Variants in STK3 observed in about 807,000 individuals in gnomAD.
STK3 encodes serine/threonine-protein kinase 3.
Under a neutral mutation model 58.0 loss-of-function variants are expected in STK3, and 41 were observed. The observed-to-expected ratio is 0.71, with a 90% CI of 0.55 to 0.92. The LOEUF (loss-of-function observed/expected upper bound fraction) is 0.92, where lower values mean the gene tolerates loss of function less well. Ranked by LOEUF, STK3 falls within the 40% of genes least tolerant of loss-of-function variation. The pLI, the probability that STK3 is intolerant of heterozygous loss-of-function variation, is 0.00. For missense variants in STK3, 479 were observed against 602.7 expected (o/e 0.79, Z 2.15); for synonymous variants, 170 against 191.0 (o/e 0.89, Z 0.91).
intron 3 of STK3, among the ~76,000 whole-genome samples, chr8:98,846,820 T>C (rs943645293): frequency 1.3e-5 from 2 of 151,178 alleles, no homozygotes; most frequent in African/African-American, 4.9e-5. Flanking sequence ...AAAGATAGAG[T>C]TGATGTCCGT....
Position 98,758,034 on chromosome 8 carries a change from G to T in STK3, c.237-8644C>A, listed in dbSNP as rs74466974. On this transcript the variant is annotated intron_variant, in intron 3 of 10. Transcript: ENST00000419617. Reference sequence around the variant, plus strand: ...TATTAAAGGTTAGGGAAGAAGGGGAGAGAGTTTCACTCAAAACACTGTAAC... The same window carrying T: ...TATTAAAGGTTAGGGAAGAAGGGGATAGAGTTTCACTCAAAACACTGTAAC... 4.2e-3 allele frequency among the ~76,000 whole-genome samples: 645 copies of T among 152,314 alleles called. 1 individual carries two copies. The highest frequency in any genetic ancestry group is 8.2e-3 in the Admixed American group (125 of 15,310).
chr8:98,703,125 A>G (rs1563909610), intron 6 of STK3, among the ~76,000 whole-genome samples: 1 of 152,196 alleles, frequency 6.6e-6, no homozygotes, highest in African/African-American at 2.4e-5. Context: ...GAAAACTTAG[A>G]GGGTTCAGAT....
At chr8:98,423,491 G>A (rs369215463) in intron 3 of STK3, among the ~76,000 whole-genome samples, 6 of 152,242 alleles carry the variant, frequency 3.9e-5, no homozygotes, top group African/African-American at 1.4e-4. Flanking sequence ...TGGAGCTGTG[G>A]TTAGGAGATG....
At chr8:98,820,748 C>A (rs572627459) in intron 1 of STK3, among the ~76,000 whole-genome samples, 11 of 149,528 alleles carry the variant, frequency 7.4e-5, no homozygotes, top group Non-Finnish European at 1.2e-4. Flanking sequence ...GAGGCCAAGG[C>A]GGGTGGATCA....
intron 6 of STK3, among the ~76,000 whole-genome samples, chr8:98,618,833 G>C (rs1168047467): frequency 1.3e-5 from 2 of 149,804 alleles, no homozygotes; most frequent in South Asian, 4.3e-4. Context: ...ACAAATGGAA[G>C]AACATTCCAT....
chr8:98,643,703 T>C (rs910080183), intron 6 of STK3, among the ~76,000 whole-genome samples: 4 of 152,188 alleles, frequency 2.6e-5, no homozygotes, highest in Non-Finnish European at 5.9e-5. Context: ...CAACAAATAT[T>C]TGTTGAATGA....
At chr8:98,569,739 T>C (rs979342788) in intron 8 of STK3, among the ~76,000 whole-genome samples, 2 of 152,070 alleles carry the variant, frequency 1.3e-5, no homozygotes, top group Non-Finnish European at 2.9e-5. Context: ...GTTTTAATTG[T>C]GATTACATAG....
At chr8:98,654,396 T>C (rs1004335249) in intron 6 of STK3, among the ~76,000 whole-genome samples, 1 of 152,066 alleles carries the variant, frequency 6.6e-6, no homozygotes, top group African/African-American at 2.4e-5. Context: ...GGGCAAAAAC[T>C]GGAAGCATTC....
chr8:98,840,913 C>T (rs967510141), intron 3 of STK3, among the ~76,000 whole-genome samples: 9 of 152,074 alleles, frequency 5.9e-5, no homozygotes, highest in African/African-American at 1.9e-4. Flanking sequence ...TTAACTGGGA[C>T]AGGATCCACT....
At chr8:98,472,368 G>T (rs1240546009) in intron 10 of STK3, among the ~76,000 whole-genome samples, 1 of 152,296 alleles carries the variant, frequency 6.6e-6, no homozygotes, top group African/African-American at 2.4e-5. Flanking sequence ...CCCTATGCCA[G>T]TTGAGTGTTT....
At chr8:98,626,070 G>T (rs1170466670) in intron 6 of STK3, among the ~76,000 whole-genome samples, 1 of 152,138 alleles carries the variant, frequency 6.6e-6, no homozygotes, top group East Asian at 1.9e-4. Flanking sequence ...GATAAAAGGA[G>T]GTGGGGAAAA....
chr8:98,471,842 G>C (rs1420161040), intron 10 of STK3, among the ~76,000 whole-genome samples: 1 of 152,174 alleles, frequency 6.6e-6, no homozygotes, highest in Non-Finnish European at 1.5e-5. Context: ...CTTTAAGGGA[G>C]AAAATGTTCC....
rs1819405811 is a variant in STK3 at position 98,455,196 on chromosome 8, C to T, written c.*646G>A. 6.6e-6 allele frequency: 1 copy of T among 152,386 alleles called. No homozygotes were observed. The highest frequency in any genetic ancestry group is 1.5e-5 in the Non-Finnish European group (1 of 67,980). 9.4% of individuals were successfully genotyped at this position (152,386 alleles called of 1,614,324 possible). On this transcript the variant is annotated 3_prime_UTR_variant, in exon 11 of 11. Transcript: ENST00000419617. ...ATCAAAAATCAAAAAAACAAAATTTCAAAGGGTAAAAATGGAATTATTGCT... is the reference window on the plus strand; with the variant it reads ...ATCAAAAATCAAAAAAACAAAATTTTAAAGGGTAAAAATGGAATTATTGCT...
At chr8:98,584,862 T>A in intron 7 of STK3, among the ~76,000 whole-genome samples, 1 of 151,526 alleles carries the variant, frequency 6.6e-6, no homozygotes, top group East Asian at 1.9e-4. Flanking sequence ...ATGATGAGCA[T>A]TTTTTCATGT....
At chr8:98,650,516 G>A (rs193278243) in intron 6 of STK3, among the ~76,000 whole-genome samples, 77 of 152,356 alleles carry the variant, frequency 5.1e-4, no homozygotes, top group African/African-American at 1.6e-3. Context: ...CGCACCATGC[G>A]CGAGCCAAAG....
chr8:98,580,838 G>A (rs1263451911), intron 7 of STK3, among the ~76,000 whole-genome samples: 1 of 152,162 alleles, frequency 6.6e-6, no homozygotes, highest in Non-Finnish European at 1.5e-5. Context: ...AAAAAAAATT[G>A]TGCTGAAGAA....
intron 10 of STK3, among the ~76,000 whole-genome samples, chr8:98,485,486 T>C (rs1822180568): frequency 6.6e-6 from 1 of 152,086 alleles, no homozygotes; most frequent in Non-Finnish European, 1.5e-5. Flanking sequence ...ATCAAGAACA[T>C]ACACAGTCAC....
chr8:98,649,914 T>A lies in STK3; in HGVS notation c.685-53745A>T, dbSNP rs190927965. Among the ~76,000 whole-genome samples the A allele has an allele frequency of 2.0e-4, 31 of 152,338 alleles. No individual in the cohort carries two copies. The East Asian group carries it at 5.4e-3, about 27-fold the overall frequency. ...CCAGTGTAATGTCTTTCAATTAGAT[T>A]TTTACGAATTTCTTCCTACAGAAGT... is the stretch of plus-strand genomic sequence containing the variant. On this transcript the variant is annotated intron_variant, in intron 6 of 10. Coordinates refer to ENST00000419617, the MANE Select transcript of STK3 (RefSeq NM_006281.4).
chr8:98,684,705 T>C (rs1446401649), intron 6 of STK3, among the ~76,000 whole-genome samples: 1 of 152,166 alleles, frequency 6.6e-6, no homozygotes, highest in African/African-American at 2.4e-5. Flanking sequence ...AAACATCAGG[T>C]CACACCATTA....
Sources: gnomAD v4.1 joint callset for allele counts (sites outside exome capture counted in the v4.1 genomes callset) on GRCh38, gnomAD v4.1.1 for gene constraint, MANE v1.5 for transcripts, NCBI Gene and HGNC (gene_info 2026-07-23, HGNC 2026-07-21) for gene names.